Variants in ZMYM3 observed in about 807,000 individuals in gnomAD.
ZMYM3 encodes zinc finger MYM-type containing 3, also known as zinc finger MYM-type protein 3.
In ZMYM3, 6 loss-of-function variants were observed where a neutral mutation model predicts 94.2. The observed-to-expected ratio is 0.06, with a 90% CI of 0.03 to 0.13. ZMYM3 has a LOEUF of 0.13. Ranked by LOEUF, ZMYM3 falls within the 10% of genes least tolerant of loss-of-function variation. ZMYM3 has a pLI of 1.00. For missense variants in ZMYM3, 664 were observed against 1,132.6 expected, an observed-to-expected ratio of 0.59 and a Z score of 5.94; for synonymous variants, 420 against 426.5, an observed-to-expected ratio of 0.98 and a Z score of 0.19.
At position 71,247,715 on chromosome X, in the gene ZMYM3, G is replaced by A. The variant is rs750587261; in HGVS notation, c.2148+19C>T. 36 of 1,201,511 alleles carry A rather than the reference G, an allele frequency of 3.0e-5. No homozygotes were observed. The highest frequency in any genetic ancestry group is 6.6e-5 in the Admixed American group (3 of 45,508). Reference sequence around the variant, plus strand: ...CACTGCCCTCTTTCCCGCCTCGCTCGCATGCTGACCCTCCTTACCTTGCAG... The same window carrying A: ...CACTGCCCTCTTTCCCGCCTCGCTCACATGCTGACCCTCCTTACCTTGCAG... On this transcript the variant is annotated intron_variant, in intron 12 of 24. Transcript: ENST00000314425.
At chrX:71,253,369 G>A (rs1057011717) in intron 1 of ZMYM3, 95 bp from the exon 2 acceptor site, 1 of 713,031 alleles carries the variant, frequency 1.4e-6, no homozygotes, top group African/African-American at 2.2e-5. Context: ...CATCCACTTG[G>A]ATTTCTCATG....
Position 71,253,238 on chromosome X carries a change from G to A in ZMYM3, c.18C>T (p.Phe6=). 8.6e-7 allele frequency: 1 copy of A among 1,167,853 alleles called. No individual in the cohort carries two copies. The highest frequency in any genetic ancestry group is 1.1e-6 in the Non-Finnish European group (1 of 873,203). Reference sequence around the variant, plus strand: ...GGGTCAATGGGTCAAATGGACTGGGGAAATCACTGGGGTCCATGAGTATGG... The same window carrying A: ...GGGTCAATGGGTCAAATGGACTGGGAAAATCACTGGGGTCCATGAGTATGG... The part of the protein sequence containing the change: MDPSD[F]PSPFDPLTLP... Residue 6 remains phenylalanine (F), a synonymous_variant, in exon 2 of 25, where the codon TTC becomes TTT. Transcript: ENST00000314425.
At chrX:71,246,749 T>C in intron 13 of ZMYM3, 57 bp from the exon 14 acceptor site, 2 of 1,091,263 alleles carry the variant, frequency 1.8e-6, no homozygotes, top group Non-Finnish European at 2.5e-6. Flanking sequence ...CCATTTTCCT[T>C]ACCCCTGTTC....
chrX:71,249,004 G>C lies in ZMYM3; in HGVS notation c.1621+15C>G. 1 of 1,208,686 alleles carries C rather than the reference G, an allele frequency of 8.3e-7. No individual in the cohort carries two copies. The highest frequency in any genetic ancestry group is 2.4e-4 in the Middle Eastern group (1 of 4,173). On this transcript the variant is annotated intron_variant, in intron 8 of 24. Transcript: ENST00000314425. The stretch of plus-strand genomic sequence containing the variant: ...AGGCCAGCAGGGGACTCAGAGAAGA[G>C]GGCTTTGCACCTACCAGTGAGCCCT...
At chrX:71,251,157 A>G (rs758764902) in intron 4 of ZMYM3, 21 bp downstream of exon 4, 75 of 1,205,447 alleles carry the variant, frequency 6.2e-5, no homozygotes, top group South Asian at 5.3e-4. Context: ...CCCAGGTCAC[A>G]CTTCCTCAAA....
intron 6 of ZMYM3, 139 bp from the exon 7 acceptor site, chrX:71,249,818 G>A: frequency 9.2e-7 from 1 of 1,088,781 alleles, no homozygotes; most frequent in Non-Finnish European, 1.2e-6. Flanking sequence ...GCCGCAGGCT[G>A]CCGACTTGAT....
Position 71,248,158 on chromosome X carries a change from T to C in ZMYM3, c.1975+4A>G. On this transcript the variant is annotated splice_donor_region_variant and intron_variant, in intron 11 of 24. Transcript: ENST00000314425. ...GTGTCTTCTGCCCTTCCCCATCTCC[T>C]TACCTTCGCTGCAGAAGCTTTTCTC... 2 of 1,210,232 alleles carry C rather than the reference T, an allele frequency of 1.7e-6. No homozygotes were observed. The highest frequency in any genetic ancestry group is 3.5e-5 in the South Asian group (2 of 56,495).
intron 2 of ZMYM3, 110 bp downstream of exon 2, chrX:71,252,479 C>A: frequency 8.2e-6 from 7 of 851,699 alleles, no homozygotes; most frequent in Non-Finnish European, 9.5e-6. Flanking sequence ...CACATCCCTA[C>A]ACTTATCTCT....
Position 71,247,325 on chromosome X carries a change from A to G in ZMYM3, c.2314+20T>C. ...GTCCAGGCTCCCTCTAACAGAGTGT[A>G]CCCCCTGCCTGGGACTCACTGTTCA... On this transcript the variant is annotated intron_variant, in intron 13 of 24. Transcript: ENST00000314425. 1 of 1,171,733 alleles carries G rather than the reference A, an allele frequency of 8.5e-7. No individual in the cohort carries two copies. Among genetic ancestry groups the G allele is most frequent in the South Asian group, 1.9e-5 (1 of 53,027 alleles).
chrX:71,243,184 G>T, intron 21 of ZMYM3, 100 bp from the exon 22 acceptor site: 2 of 684,902 alleles, frequency 2.9e-6, no homozygotes, highest in African/African-American at 4.3e-5. Flanking sequence ...TGATCATTAG[G>T]AGACGATGGG....
At chrX:71,241,172 A>G in intron 24 of ZMYM3, 55 bp downstream of exon 24, 9 of 1,184,450 alleles carry the variant, frequency 7.6e-6, no homozygotes, top group Non-Finnish European at 1.0e-5. Flanking sequence ...ACCAAGGCAA[A>G]GTAGATCCCT....
intron 13 of ZMYM3, among the ~76,000 whole-genome samples, chrX:71,247,062 G>A (rs1390381998): frequency 1.8e-5 from 2 of 111,096 alleles, no homozygotes; most frequent in Admixed American, 9.6e-5. Context: ...TCTCAGAAAC[G>A]TAACCATAAC....
chrX:71,251,931 C>G, intron 2 of ZMYM3: 2 of 701,128 alleles, frequency 2.9e-6, no homozygotes, highest in Non-Finnish European at 3.4e-6. Context: ...CACAACCACC[C>G]AAAGGTAGCA....
At chrX:71,254,854 G>A (rs2030679380), upstream of ZMYM3, 1 of 111,176 alleles carries the variant, frequency 9.0e-6, no homozygotes, top group South Asian at 3.8e-4. Flanking sequence ...TCAGAGTTAT[G>A]GGGTATCTGA....
chrX:71,244,283 C>A lies in ZMYM3; in HGVS notation c.3280+19G>T. 1 of 1,207,944 alleles carries A rather than the reference C, an allele frequency of 8.3e-7. No homozygotes were observed. Among genetic ancestry groups the A allele is most frequent in the Non-Finnish European group, 1.1e-6 (1 of 893,487 alleles). On this transcript the variant is annotated intron_variant, in intron 20 of 24. Transcript: ENST00000314425. ...TCCCTGTCCCTGCCTCCCCACACCC[C>A]CCATCCCCAAGTACTTACGGCCAAA...
chrX:71,248,569 G>T (rs754289035), intron 9 of ZMYM3, 45 bp from the exon 10 acceptor site: 8 of 1,180,395 alleles, frequency 6.8e-6, no homozygotes, highest in Non-Finnish European at 8.0e-6. Context: ...GATGTGTGCA[G>T]CGGTGGGGAA....
rs776253265 is a variant in ZMYM3 at position 71,253,187 on chromosome X, G to T, written c.69C>A (p.Asp23Glu). The change falls in exon 2 of 25, where the codon GAC (aspartate) becomes GAA (glutamate). Residue 23 changes from aspartate to glutamate, a missense_variant. Asp to Glu is a conservative substitution (Grantham distance 45, BLOSUM62 2). Around this residue, in one of 9 missense-constraint regions of ZMYM3, gnomAD observed 196 missense variants for 190.8 expected, o/e 1.03. Coordinates refer to ENST00000314425, the MANE Select transcript of ZMYM3 (RefSeq NM_201599.3). ...CTCCAAATTCCATGTCTACTGGTAG[G>T]TCTCCAGCCAGGGGCTTCTCTGGCA... ...LTLPEKPLAG[D>E]LPVDMEFGED... is the part of the protein sequence containing the mutation. 1 of 1,197,229 alleles carries T rather than the reference G, an allele frequency of 8.4e-7. No homozygotes were observed. The highest frequency in any genetic ancestry group is 1.1e-6 in the Non-Finnish European group (1 of 888,729).
At chrX:71,246,925 T>C (rs2030205253) in intron 13 of ZMYM3, among the ~76,000 whole-genome samples, 1 of 111,618 alleles carries the variant, frequency 9.0e-6, no homozygotes, top group Non-Finnish European at 1.9e-5. Flanking sequence ...AACCCACATT[T>C]GAGACCTTCC....
rs756964740 is a variant in ZMYM3 at position 71,248,088 on chromosome X, C to T, written c.1975+74G>A. 1.6e-4 allele frequency: 193 copies of T among 1,171,434 alleles called. 1 individual carries two copies. Among genetic ancestry groups the T allele is most frequent in the African/African-American group, 1.1e-3 (63 of 56,575 alleles). On this transcript the variant is annotated intron_variant, in intron 11 of 24. Coordinates refer to ENST00000314425, the MANE Select transcript of ZMYM3 (RefSeq NM_201599.3). Reference sequence around the variant, plus strand: ...GGCCCTGCCTCATGGACCACTTTCCCGGCCTCCCTCCCTTCTCCTCCATTC... The same window carrying T: ...GGCCCTGCCTCATGGACCACTTTCCTGGCCTCCCTCCCTTCTCCTCCATTC...
Sources: gnomAD v4.1 joint callset for allele counts (sites outside exome capture counted in the v4.1 genomes callset) on GRCh38, gnomAD v4.1.1 for gene constraint, gnomAD v4.1.1 regional missense constraint, MANE v1.5 for transcripts, NCBI Gene and HGNC (gene_info 2026-07-23, HGNC 2026-07-21) for gene names.